Variants in LRRTM4 observed in about 807,000 individuals in gnomAD.
The protein encoded by LRRTM4 is leucine rich repeat transmembrane neuronal 4.
A neutral mutation model predicts 47.6 loss-of-function variants in LRRTM4; 25 were observed. That is an observed-to-expected ratio of 0.53 (90% confidence interval 0.38 to 0.73). LRRTM4 has a LOEUF of 0.73. Ranked by LOEUF, LRRTM4 falls within the 30% of genes least tolerant of loss-of-function variation. The probability of loss-of-function intolerance (pLI) is 0.00; values close to 1 mark genes in which losing one functional copy is unlikely to be tolerated. For missense variants in LRRTM4, 638 were observed against 713.4 expected (o/e 0.89, Z 1.20); for synonymous variants, 311 against 269.5 (o/e 1.15, Z -1.51).
At chr2:76,862,942 G>C (rs1672361815) in intron 3 of LRRTM4, among the ~76,000 whole-genome samples, 2 of 152,148 alleles carry the variant, frequency 1.3e-5, no homozygotes. Context: ...ACCCAAAGCA[G>C]ATCTTATTTC....
intron 3 of LRRTM4, chr2:77,518,034 A>T (rs960798479): frequency 5.9e-5 from 67 of 1,144,494 alleles, no homozygotes; most frequent in Admixed American, 1.8e-4. Flanking sequence ...TTTTAAGTCC[A>T]ACCCCTGTAT....
At chr2:77,342,866 A>G (rs1671426246) in intron 3 of LRRTM4, among the ~76,000 whole-genome samples, 1 of 140,514 alleles carries the variant, frequency 7.1e-6, no homozygotes. Context: ...TGAGGACTCT[A>G]TGCCATGAAC....
At chr2:76,866,260 T>A (rs375579882) in intron 3 of LRRTM4, among the ~76,000 whole-genome samples, 37 of 152,292 alleles carry the variant, frequency 2.4e-4, no homozygotes, top group African/African-American at 8.7e-4. Context: ...TATATGCACT[T>A]TCACTGGGGA....
chr2:77,222,216 G>A (rs1309292912), intron 3 of LRRTM4, among the ~76,000 whole-genome samples: 1 of 152,136 alleles, frequency 6.6e-6, no homozygotes, highest in East Asian at 1.9e-4. Flanking sequence ...AGTATGTAGA[G>A]GGAAATTTAT....
At chr2:77,503,069 G>T (rs778548554) in intron 3 of LRRTM4, among the ~76,000 whole-genome samples, 4 of 150,386 alleles carry the variant, frequency 2.7e-5, no homozygotes, top group Admixed American at 2.7e-4. Context: ...CTTATATTTT[G>T]GTTCTCATTC....
intron 3 of LRRTM4, among the ~76,000 whole-genome samples, chr2:77,078,434 C>T (rs553550285): frequency 6.6e-6 from 1 of 151,624 alleles, no homozygotes; most frequent in East Asian, 1.9e-4. Context: ...CTCTGTGATC[C>T]CAAAAATAAC....
chr2:77,227,008 T>C (rs1412007219), intron 3 of LRRTM4, among the ~76,000 whole-genome samples: 1 of 152,004 alleles, frequency 6.6e-6, no homozygotes, highest in African/African-American at 2.4e-5. Flanking sequence ...GTTAATTAAG[T>C]ATGTTCTCCA....
At chr2:77,361,367 C>G (rs1672202631) in intron 3 of LRRTM4, among the ~76,000 whole-genome samples, 1 of 152,234 alleles carries the variant, frequency 6.6e-6, no homozygotes. Context: ...CCAAGCTAAA[C>G]TCTACCCCTT....
chr2:77,208,816 C>T (rs1012447738), intron 3 of LRRTM4, among the ~76,000 whole-genome samples: 10 of 152,010 alleles, frequency 6.6e-5, no homozygotes, highest in Middle Eastern at 3.2e-3. Context: ...GGAGCTGGAA[C>T]GGTACTTATA....
Position 76,918,114 on chromosome 2 carries a change from A to G in LRRTM4, c.1552-169198T>C, listed in dbSNP as rs545540006. On this transcript the variant is annotated intron_variant, in intron 3 of 3. Transcript: ENST00000409884. ...AATAATTCACATATTATCTTTTCAC[A>G]AAACAATGACAATTATGTTAACAAA... is the stretch of plus-strand genomic sequence containing the variant. Among the ~76,000 whole-genome samples, 29 of 152,334 alleles carry G rather than the reference A, an allele frequency of 1.9e-4. No homozygotes were observed. In the South Asian group the frequency reaches 2.9e-3, roughly 15 times the overall value.
At chr2:76,818,569 A>G (rs1406116644) in intron 3 of LRRTM4, among the ~76,000 whole-genome samples, 2 of 151,808 alleles carry the variant, frequency 1.3e-5, no homozygotes, top group Admixed American at 6.6e-5. Context: ...CCTCACAAAT[A>G]GAATACTGAT....
chr2:76,913,686 T>C (rs1674148699), intron 3 of LRRTM4, among the ~76,000 whole-genome samples: 2 of 151,994 alleles, frequency 1.3e-5, no homozygotes, highest in Non-Finnish European at 2.9e-5. Flanking sequence ...ACTGCAGGCA[T>C]GCACCACCAC....
chr2:76,768,234 G>C (rs10165411), intron 3 of LRRTM4, among the ~76,000 whole-genome samples: 33,032 of 152,016 alleles, frequency 0.22, 4,365 homozygotes, highest in African/African-American at 0.37. Flanking sequence ...TGACAATAGA[G>C]GAAAAGTATA....
intron 3 of LRRTM4, among the ~76,000 whole-genome samples, chr2:77,511,866 A>G (rs113912963): frequency 6.6e-5 from 10 of 152,296 alleles, no homozygotes; most frequent in African/African-American, 2.2e-4. Flanking sequence ...CCTTAAATCA[A>G]ATGACTTTGC....
intron 3 of LRRTM4, among the ~76,000 whole-genome samples, chr2:77,307,058 C>T (rs999479849): frequency 6.6e-6 from 1 of 151,624 alleles, no homozygotes; most frequent in African/African-American, 2.4e-5. Flanking sequence ...CACCACCACG[C>T]CCGGCTAATT....
chr2:77,093,817 A>C (rs1670726406), intron 3 of LRRTM4, among the ~76,000 whole-genome samples: 1 of 151,880 alleles, frequency 6.6e-6, no homozygotes, highest in Non-Finnish European at 1.5e-5. Flanking sequence ...AAAGAAGTGT[A>C]AATGGCCGGT....
chr2:77,248,056 C>T (rs1036090902), intron 3 of LRRTM4, among the ~76,000 whole-genome samples: 1 of 150,400 alleles, frequency 6.6e-6, no homozygotes, highest in East Asian at 2.0e-4. Context: ...TCAGATATAA[C>T]CTGTAAAAAT....
chr2:76,812,551 G>T (rs1476467920), intron 3 of LRRTM4, among the ~76,000 whole-genome samples: 1 of 152,080 alleles, frequency 6.6e-6, no homozygotes, highest in East Asian at 1.9e-4. Context: ...GGCTCAGCAT[G>T]GGTTTGATAA....
intron 3 of LRRTM4, among the ~76,000 whole-genome samples, chr2:77,067,967 AT>A (rs1383154067): frequency 6.6e-6 from 1 of 152,162 alleles, no homozygotes; most frequent in Non-Finnish European, 1.5e-5. Flanking sequence ...TTGAAAGTAA[AT>A]TGAGCTATTG....
Sources: gnomAD v4.1 joint callset for allele counts (sites outside exome capture counted in the v4.1 genomes callset) on GRCh38, gnomAD v4.1.1 for gene constraint, MANE v1.5 for transcripts, NCBI Gene and HGNC (gene_info 2026-07-23, HGNC 2026-07-21) for gene names.